ABTB3: variants seen among roughly 807,000 people sequenced by gnomAD.
The protein encoded by ABTB3 is ankyrin repeat and BTB domain containing 3.
the ABTB3 span, among the ~76,000 whole-genome samples, chr12:107,555,075 C>G: frequency 6.6e-6 from 1 of 152,154 alleles, no homozygotes; most frequent in Non-Finnish European, 1.5e-5. Flanking sequence ...CTGCAGAACT[C>G]TCAGGCTTTG....
the ABTB3 span, among the ~76,000 whole-genome samples, chr12:107,581,675 G>A: frequency 4.6e-5 from 7 of 152,170 alleles, no homozygotes; most frequent in African/African-American, 1.2e-4. Flanking sequence ...ATTTCTGGCT[G>A]GGTCAGAGAG....
At chr12:107,502,615 G>T in the ABTB3 span, among the ~76,000 whole-genome samples, 1 of 152,220 alleles carries the variant, frequency 6.6e-6, no homozygotes, top group Non-Finnish European at 1.5e-5. Context: ...CCACAGACTG[G>T]TACAGGTCTG....
the ABTB3 span, chr12:107,581,397 G>GA: frequency 6.3e-6 from 7 of 1,116,812 alleles, no homozygotes; most frequent in Non-Finnish European, 8.0e-6. Flanking sequence ...TGGGCGGCCT[G>GA]AGCCCCGCAC....
the ABTB3 span, among the ~76,000 whole-genome samples, chr12:107,525,406 AC>A: frequency 1.3e-5 from 2 of 150,850 alleles, no homozygotes; most frequent in Admixed American, 6.6e-5. Flanking sequence ...TTTTTACTGT[AC>A]CTTTTTTATG....
the ABTB3 span, among the ~76,000 whole-genome samples, chr12:107,463,548 C>A: frequency 5.9e-5 from 9 of 152,280 alleles, no homozygotes; most frequent in African/African-American, 2.2e-4. Flanking sequence ...GGTTAAGCAA[C>A]TTGACCAGAG....
At chr12:107,586,264 C>T in the ABTB3 span, among the ~76,000 whole-genome samples, 1 of 152,168 alleles carries the variant, frequency 6.6e-6, no homozygotes, top group Admixed American at 6.5e-5. Context: ...CCATTTCCCC[C>T]AGTCATGTCC....
the ABTB3 span, among the ~76,000 whole-genome samples, chr12:107,330,580 CTG>C: frequency 6.6e-6 from 1 of 152,204 alleles, no homozygotes; most frequent in Non-Finnish European, 1.5e-5. Flanking sequence ...GATGTGGAAA[CTG>C]AGGCCCAGAG....
the ABTB3 span, among the ~76,000 whole-genome samples, chr12:107,599,114 G>A: frequency 6.6e-6 from 1 of 152,210 alleles, no homozygotes; most frequent in African/African-American, 2.4e-5. Context: ...TCCTGAACAG[G>A]TGTTGGGGTG....
chr12:107,420,369 G>T, the ABTB3 span, among the ~76,000 whole-genome samples: 17,649 of 152,170 alleles, frequency 0.12, 3,213 homozygotes, highest in African/African-American at 0.39. Flanking sequence ...TTCACATGGC[G>T]GGGGAGGCCT....
At chr12:107,649,105 C>A in the ABTB3 span, 2 of 1,031,424 alleles carry the variant, frequency 1.9e-6, no homozygotes, top group South Asian at 1.4e-5. Context: ...GAATGGATGT[C>A]CTAGAGGTCT....
the ABTB3 span, among the ~76,000 whole-genome samples, chr12:107,527,883 T>C: frequency 6.6e-6 from 1 of 152,208 alleles, no homozygotes; most frequent in East Asian, 1.9e-4. Flanking sequence ...TTTATAATAC[T>C]GTGGAGTGAC....
chr12:107,638,897 C>T, the ABTB3 span, among the ~76,000 whole-genome samples: 1 of 152,326 alleles, frequency 6.6e-6, no homozygotes, highest in South Asian at 2.1e-4. Flanking sequence ...CACTTTACCA[C>T]CTTTCCGTAC....
the ABTB3 span, among the ~76,000 whole-genome samples, chr12:107,642,710 C>T: frequency 6.6e-6 from 1 of 152,160 alleles, no homozygotes; most frequent in Admixed American, 6.5e-5. Context: ...TCATCAGGAG[C>T]TGCTGTACTT....
At chr12:107,518,497 G>T in the ABTB3 span, among the ~76,000 whole-genome samples, 6 of 150,700 alleles carry the variant, frequency 4.0e-5, no homozygotes, top group Middle Eastern at 3.2e-3. Context: ...GAAAACTATC[G>T]CAAGGACAGA....
the ABTB3 span, among the ~76,000 whole-genome samples, chr12:107,483,097 A>T: frequency 6.6e-6 from 1 of 151,624 alleles, no homozygotes; most frequent in South Asian, 2.1e-4. Flanking sequence ...ATCACAGCCC[A>T]GCTCACTGCA....
At chr12:107,502,443 A>T in the ABTB3 span, among the ~76,000 whole-genome samples, 1 of 152,064 alleles carries the variant, frequency 6.6e-6, no homozygotes, top group Non-Finnish European at 1.5e-5. Context: ...ATATAGCACC[A>T]CCAGCGTGAA....
chr12:107,599,670 A>G, the ABTB3 span, among the ~76,000 whole-genome samples: 1 of 152,208 alleles, frequency 6.6e-6, no homozygotes, highest in Non-Finnish European at 1.5e-5. Context: ...TTCCTTTTCC[A>G]CGACAGCCTT....
At chr12:107,614,639 T>C in the ABTB3 span, among the ~76,000 whole-genome samples, 1 of 152,178 alleles carries the variant, frequency 6.6e-6, no homozygotes, top group African/African-American at 2.4e-5. Flanking sequence ...TCATTGTAAC[T>C]GCCATTACAG....
the ABTB3 span, among the ~76,000 whole-genome samples, chr12:107,425,673 C>T: frequency 6.8e-3 from 1,034 of 152,286 alleles, 8 homozygotes; most frequent in African/African-American, 0.023. Context: ...GGCCCCATGC[C>T]TACCATATTT....
Sources: gnomAD v4.1 joint callset for allele counts (sites outside exome capture counted in the v4.1 genomes callset) on GRCh38, gnomAD v4.1.1 for gene constraint, MANE v1.5 for transcripts, NCBI Gene and HGNC (gene_info 2026-07-23, HGNC 2026-07-21) for gene names.